The following SOAT2 variants were observed in gnomAD, a reference collection of about 807,000 sequenced individuals.
SOAT2 encodes the protein ACAT-2.
SOAT2 carries 87 observed loss-of-function variants against 76.0 expected under a neutral mutation model. That is an observed-to-expected ratio of 1.14 (90% CI 0.96 to 1.37). The LOEUF (loss-of-function observed/expected upper bound fraction) is 1.37, where lower values mean the gene tolerates loss of function less well. Among genes scored for constraint, SOAT2 ranks in the 40% most tolerant of loss-of-function variants. The pLI, the probability that SOAT2 is intolerant of heterozygous loss-of-function variation, is 0.00. For synonymous variants in SOAT2, 285 were observed against 275.4 expected (o/e 1.03, Z -0.34); for missense variants, 686 against 682.1 (o/e 1.01, Z -0.06).
At chr12:53,115,776 G>C (rs1474610270) in intron 6 of SOAT2, 122 bp downstream of exon 6, 1 of 1,237,418 alleles carries the variant, frequency 8.1e-7, no homozygotes, top group Non-Finnish European at 1.1e-6. Context: ...GAAGGCATTG[G>C]CAGGGGCGGA....
intron 9 of SOAT2, 62 bp downstream of exon 9, chr12:53,118,997 G>C: frequency 6.2e-7 from 1 of 1,609,882 alleles, no homozygotes; most frequent in Non-Finnish European, 8.5e-7. Context: ...GGACATTTCT[G>C]GGAGGCCTGG....
In SOAT2 at chr12:53,105,285, G is replaced by C. The variant is rs974953669; in HGVS notation, c.275+42G>C. The C allele has an allele frequency of 2.5e-6, 4 of 1,581,578 alleles. No individual in the cohort carries two copies. In the African/African-American group the frequency reaches 4.1e-5, roughly 16 times the overall value. On this transcript the variant is annotated intron_variant, in intron 3 of 14. Coordinates refer to ENST00000301466, the MANE Select transcript of SOAT2 (RefSeq NM_003578.4). ...GCTGCGCGGGCTCCTCTGTAGCAAGGATCATGAGCTAGAAACATCACGTTA... is the reference window on the plus strand; with the variant it reads ...GCTGCGCGGGCTCCTCTGTAGCAAGCATCATGAGCTAGAAACATCACGTTA...
At chr12:53,105,709 G>C (rs1592274794) in intron 4 of SOAT2, 89 bp downstream of exon 4, 1 of 1,257,716 alleles carries the variant, frequency 8.0e-7, no homozygotes. Context: ...CCAGCCTCTA[G>C]GTGGTTTGTG....
At chr12:53,104,975 G>C in intron 2 of SOAT2, 132 bp from the exon 3 acceptor site, 7 of 1,005,510 alleles carry the variant, frequency 7.0e-6, no homozygotes, top group East Asian at 3.0e-5. Flanking sequence ...CATCCCTGCT[G>C]ACCCCCCAGG....
rs1481163831 is a variant in SOAT2 at position 53,124,196 on chromosome 12, C to T, written c.*73C>T. ...GCCTGCAAAACCTGGGACCAGGACTCCTGTCTGCATTCCCAAATTTGGCTC... is the reference window on the plus strand; with the variant it reads ...GCCTGCAAAACCTGGGACCAGGACTTCTGTCTGCATTCCCAAATTTGGCTC... On this transcript the variant is annotated 3_prime_UTR_variant, in exon 15 of 15. Coordinates refer to ENST00000301466, the MANE Select transcript of SOAT2 (RefSeq NM_003578.4). The T allele has an allele frequency of 1.3e-6, 2 of 1,548,740 alleles. No individual in the cohort carries two copies. The highest frequency in any genetic ancestry group is 8.9e-7 in the Non-Finnish European group (1 of 1,121,560).
intron 12 of SOAT2, among the ~76,000 whole-genome samples, chr12:53,122,445 A>T (rs1938206097): frequency 7.0e-6 from 1 of 143,260 alleles, no homozygotes; most frequent in Non-Finnish European, 1.5e-5. Flanking sequence ...AAGTGAACAA[A>T]GGTCTCTGGT....
At chr12:53,118,179 G>T (rs1938133681) in intron 7 of SOAT2, among the ~76,000 whole-genome samples, 171 bp from the exon 8 acceptor site, 1 of 151,720 alleles carries the variant, frequency 6.6e-6, no homozygotes, top group Admixed American at 6.6e-5. Context: ...CTCCTGCCCA[G>T]CTTAGCTCCC....
intron 5 of SOAT2, among the ~76,000 whole-genome samples, chr12:53,114,918 G>A (rs1938078796): frequency 6.6e-6 from 1 of 152,180 alleles, no homozygotes; most frequent in African/African-American, 2.4e-5. Flanking sequence ...TGAAGAATAT[G>A]GAGGTGCCAG....
At chr12:53,116,839 G>C (rs1373843663) in intron 7 of SOAT2, among the ~76,000 whole-genome samples, 1 of 151,622 alleles carries the variant, frequency 6.6e-6, no homozygotes, top group Non-Finnish European at 1.5e-5. Flanking sequence ...CTGTACTCCA[G>C]CCTGGGCAAC....
chr12:53,123,754 C>T lies in SOAT2; in HGVS notation c.1399C>T (p.Gln467Ter). ...GGMLNFMMHDQRTGPAWNVLM... is the reference protein window; with the variant it reads ...GGMLNFMMHD Reference sequence around the variant, plus strand: ...AATGTTGAACTTCATGATGCATGACCAGCGCACCGGCCCGGCATGGAACGT... The same window carrying T: ...AATGTTGAACTTCATGATGCATGACTAGCGCACCGGCCCGGCATGGAACGT... The change falls in exon 14 of 15, where the codon CAG (glutamine) becomes TAG (stop). Residue 467 changes from glutamine to a stop codon, truncating the protein, a stop_gained. Coordinates refer to ENST00000301466, the MANE Select transcript of SOAT2 (RefSeq NM_003578.4). LOFTEE classifies it high-confidence loss of function. The T allele has an allele frequency of 6.2e-7, 1 of 1,614,136 alleles. No individual in the cohort carries two copies. The highest frequency in any genetic ancestry group is 8.5e-7 in the Non-Finnish European group (1 of 1,180,022).
chr12:53,116,207 T>G (rs777370515), intron 7 of SOAT2, 41 bp downstream of exon 7: 1 of 1,553,698 alleles, frequency 6.4e-7, no homozygotes, highest in African/African-American at 1.4e-5. Context: ...TCAGTCCTCT[T>G]GGCTGACTGA....
intron 5 of SOAT2, among the ~76,000 whole-genome samples, chr12:53,112,271 G>T (rs781330597): frequency 1.3e-5 from 2 of 152,220 alleles, no homozygotes; most frequent in Non-Finnish European, 2.9e-5. Flanking sequence ...TCCTGGCCGG[G>T]TGTGGTGGCT....
In SOAT2 at chr12:53,123,170, G is replaced by C; in HGVS notation, c.1326G>C (p.Leu442=). The C allele has an allele frequency of 6.2e-7, 1 of 1,614,102 alleles. No homozygotes were observed. The highest frequency in any genetic ancestry group is 8.5e-7 in the Non-Finnish European group (1 of 1,180,002). ...ATGAGTATATCTTCTGCTTCGTCCTGGGGTTCTTCTATCCCGTCATGCTGA... is the reference window on the plus strand; with the variant it reads ...ATGAGTATATCTTCTGCTTCGTCCTCGGGTTCTTCTATCCCGTCATGCTGA... ...VAHEYIFCFV[L]GFFYPVMLIL... The change falls in exon 13 of 15, where the codon CTG becomes CTC. Residue 442 remains leucine, a synonymous_variant. Transcript: ENST00000301466.
At chr12:53,120,948 A>G in intron 11 of SOAT2, 65 bp downstream of exon 11, 3 of 1,238,608 alleles carry the variant, frequency 2.4e-6, no homozygotes. Flanking sequence ...GATCTGGGGA[A>G]GATGGTAGCC....
Position 53,103,491 on chromosome 12 carries a change from G to T in SOAT2, c.-87G>T. ...TTGGAGCTGTCACCTGAGCTGAGTG[G>T]GACAAGAGCTCTACAGGGCAGGCCA... is the stretch of plus-strand genomic sequence containing the variant. On this transcript the variant is annotated 5_prime_UTR_variant, in exon 1 of 15. Transcript: ENST00000301466. 1 of 1,230,192 alleles carries T rather than the reference G, an allele frequency of 8.1e-7. No individual in the cohort carries two copies. The highest frequency in any genetic ancestry group is 1.2e-6 in the Non-Finnish European group (1 of 868,690). The allele number at this position is 1,230,192 out of a possible 1,614,324, so 76.2% of individuals were successfully genotyped here. A position where few individuals can be genotyped will look rare whatever the true frequency, so the allele number is the denominator to read the frequency against.
rs1938152048 is a variant in SOAT2, at chr12:53,119,199, G to A, written c.985G>A (p.Glu329Lys). Reference sequence around the variant, plus strand: ...TCCTGTCTTTGCCAACATGAGCCGAGAGCCCTTCAGCACCCGTGCCCTGGT... The same window carrying A: ...TCCTGTCTTTGCCAACATGAGCCGAAAGCCCTTCAGCACCCGTGCCCTGGT... ...CVPVFANMSREPFSTRALVLS... is the reference protein window; with the variant it reads ...CVPVFANMSRKPFSTRALVLS... The change falls in exon 10 of 15, where the codon GAG (glutamate) becomes AAG (lysine). Residue 329 changes from glutamate to lysine, a missense_variant. Glu to Lys is a moderately conservative substitution (Grantham distance 56, BLOSUM62 1). Coordinates refer to ENST00000301466, the MANE Select transcript of SOAT2 (RefSeq NM_003578.4). The A allele has an allele frequency of 6.2e-7, 1 of 1,614,080 alleles. No individual in the cohort carries two copies. Among genetic ancestry groups the A allele is most frequent in the Non-Finnish European group, 8.5e-7 (1 of 1,179,996 alleles).
chr12:53,109,355 A>G (rs1025842053), intron 5 of SOAT2, among the ~76,000 whole-genome samples: 1 of 152,266 alleles, frequency 6.6e-6, no homozygotes, highest in Non-Finnish European at 1.5e-5. Context: ...ATACAAATAT[A>G]GCCCAAAGAA....
Position 53,116,186 on chromosome 12 carries a change from C to A in SOAT2, c.778+20C>A. ...GACGAGGTGAGGCCTTCATCTTGCC[C>A]GGTTGTGAACTCAGTCCTCTTGGCT... On this transcript the variant is annotated intron_variant, in intron 7 of 14. Transcript: ENST00000301466. The A allele has an allele frequency of 6.2e-7, 1 of 1,605,828 alleles. No individual in the cohort carries two copies. Among genetic ancestry groups the A allele is most frequent in the Non-Finnish European group, 8.5e-7 (1 of 1,172,554 alleles).
chr12:53,124,527 T>A lies in SOAT2; in HGVS notation c.*404T>A, dbSNP rs1214448417. ...ATACAGCAATAAACTTTGTCTCCCT[T>A]TTTATTCATTCATTCATTCATTCAT... On this transcript the variant is annotated 3_prime_UTR_variant, in exon 15 of 15. Transcript: ENST00000301466. The A allele has an allele frequency of 5.4e-6, 1 of 185,720 alleles. No homozygotes were observed. 11.5% of individuals were successfully genotyped at this position (185,720 alleles called of 1,614,324 possible). A position where few individuals can be genotyped will look rare whatever the true frequency, so the allele number is the denominator to read the frequency against.
Sources: gnomAD v4.1 joint callset for allele counts (sites outside exome capture counted in the v4.1 genomes callset) on GRCh38, gnomAD v4.1.1 for gene constraint, MANE v1.5 for transcripts, NCBI Gene and HGNC (gene_info 2026-07-23, HGNC 2026-07-21) for gene names.